Variants in GSE1 observed in about 807,000 individuals in gnomAD.
The protein encoded by GSE1 is genetic suppressor element 1.
In GSE1, 32 loss-of-function variants were observed where a neutral mutation model predicts 112.6. That is an observed-to-expected ratio of 0.28 (90% confidence interval 0.21 to 0.38). The LOEUF (loss-of-function observed/expected upper bound fraction) is 0.38. GSE1 is among the 10% of genes least tolerant of loss of function. The pLI, the probability that GSE1 is intolerant of heterozygous loss-of-function variation, is 1.00. For synonymous variants in GSE1, 1,115 were observed against 735.6 expected (o/e 1.52, Z -8.35); for missense variants, 2,348 against 1,699.2 (o/e 1.38, Z -6.71).
At chr16:85,407,274 T>C (rs867032252) in intron 2 of GSE1, among the ~76,000 whole-genome samples, 2 of 31,052 alleles carry the variant, frequency 6.4e-5, no homozygotes, top group Admixed American at 3.3e-4. Context: ...AGGGCCCCCC[T>C]GGATAATCCT....
chr16:85,533,002 G>A (rs2044185603), intron 2 of GSE1, among the ~76,000 whole-genome samples: 1 of 152,226 alleles, frequency 6.6e-6, no homozygotes, highest in South Asian at 2.1e-4. Context: ...CTCCTGTTCT[G>A]CCGGAGGTGT....
chr16:85,637,691 C>T (rs1598491566), intron 2 of GSE1, among the ~76,000 whole-genome samples: 1 of 151,792 alleles, frequency 6.6e-6, no homozygotes, highest in Non-Finnish European at 1.5e-5. Context: ...TTCCAATCCC[C>T]AGCTTGTGCC....
intron 1 of GSE1, among the ~76,000 whole-genome samples, chr16:85,264,862 G>A: frequency 6.6e-6 from 1 of 152,290 alleles, no homozygotes; most frequent in East Asian, 1.9e-4. Flanking sequence ...CGCATTTGGA[G>A]ATCAGACGCC....
intron 2 of GSE1, among the ~76,000 whole-genome samples, chr16:85,493,409 G>A (rs1455008114): frequency 1.3e-5 from 2 of 152,012 alleles, no homozygotes; most frequent in Non-Finnish European, 2.9e-5. Flanking sequence ...TCACACTGCT[G>A]TACTCCAGCA....
intron 2 of GSE1, among the ~76,000 whole-genome samples, chr16:85,441,259 C>A (rs1048051978): frequency 6.6e-6 from 1 of 152,192 alleles, no homozygotes; most frequent in Admixed American, 6.5e-5. Context: ...GTAGCACCCC[C>A]CAATTGTCAA....
At chr16:85,634,962 G>A (rs2049865610) in intron 2 of GSE1, among the ~76,000 whole-genome samples, 1 of 152,004 alleles carries the variant, frequency 6.6e-6, no homozygotes, top group African/African-American at 2.4e-5. Context: ...CGGGGGGGCT[G>A]AGGAAACCGG....
chr16:85,293,078 G>A (rs965323167), intron 1 of GSE1, among the ~76,000 whole-genome samples: 1 of 152,048 alleles, frequency 6.6e-6, no homozygotes, highest in African/African-American at 2.4e-5. Context: ...CCCTCTCTCC[G>A]CAGTGTTCCA....
chr16:85,572,418 CCACA>C (rs914830673), intron 1 of GSE1, among the ~76,000 whole-genome samples: 10 of 147,948 alleles, frequency 6.8e-5, no homozygotes, highest in Admixed American at 2.0e-4. Flanking sequence ...ACACTACACA[CCACA>C]CACACACAGC....
intron 2 of GSE1, among the ~76,000 whole-genome samples, chr16:85,503,399 C>G (rs8056492): frequency 0.34 from 52,324 of 152,008 alleles, 10,605 homozygotes; most frequent in African/African-American, 0.55. Context: ...CCTCCTCCTC[C>G]TCCTCACAAA....
At chr16:85,519,767 C>T (rs1277208331) in intron 2 of GSE1, among the ~76,000 whole-genome samples, 1 of 151,732 alleles carries the variant, frequency 6.6e-6, no homozygotes, top group Non-Finnish European at 1.5e-5. Context: ...ACCACCATAT[C>T]ACCACCGTTG....
rs1216636534 is a variant in GSE1 at position 85,666,187 on chromosome 16, C to T, written c.2970C>T (p.His990=). 1 of 1,613,508 alleles carries T rather than the reference C, an allele frequency of 6.2e-7. No individual in the cohort carries two copies. The highest frequency in any genetic ancestry group is 8.5e-7 in the Non-Finnish European group (1 of 1,180,048). ...GCAAAAAGAGTCTGAGCATGCTTCA[C>T]TATATCCGGGGCGCTGCACCCAAGG... ...PGGKKSLSML[H]YIRGAAPKDI... is the part of the protein sequence containing the mutation. The change falls in exon 13 of 16, where the codon CAC becomes CAT. Residue 990 remains histidine, a synonymous_variant. Transcript: ENST00000253458.
chr16:85,641,165 T>G (rs1307559040), intron 2 of GSE1, among the ~76,000 whole-genome samples: 1 of 152,272 alleles, frequency 6.6e-6, no homozygotes, highest in Non-Finnish European at 1.5e-5. Flanking sequence ...CTGCAGCCCC[T>G]GTGCCCGTTT....
At chr16:85,208,663 C>CTTG (rs1194868590) in intron 1 of GSE1, among the ~76,000 whole-genome samples, 1 of 150,206 alleles carries the variant, frequency 6.7e-6, no homozygotes, top group Non-Finnish European at 1.5e-5. Flanking sequence ...CATACTCTCC[C>CTTG]TTGTTTTTTT....
intron 1 of GSE1, among the ~76,000 whole-genome samples, chr16:85,563,344 A>G (rs893792186): frequency 6.6e-6 from 1 of 152,150 alleles, no homozygotes; most frequent in Non-Finnish European, 1.5e-5. Context: ...AAAAGGAAAA[A>G]AAATCAGTGA....
intron 1 of GSE1, among the ~76,000 whole-genome samples, chr16:85,309,874 C>T (rs1216886730): frequency 9.8e-5 from 15 of 152,380 alleles, no homozygotes; most frequent in Admixed American, 6.5e-4. Flanking sequence ...TTACAGCTGG[C>T]GAAGTGGCGG....
Position 85,661,437 on chromosome 16 carries a change from C to G in GSE1, c.1932C>G (p.Ala644=). Reference sequence around the variant, plus strand: ...AGGGGCCACGGAAGCGTGAGCCTGCCCCTCTGGACAAGTACCAGCCACCTC... The same window carrying G: ...AGGGGCCACGGAAGCGTGAGCCTGCGCCTCTGGACAAGTACCAGCCACCTC... ...AEEGPRKREP[A]PLDKYQPPPP... Residue 644 remains alanine (A), a synonymous_variant, in exon 9 of 16, where the codon GCC becomes GCG. Coordinates refer to ENST00000253458, the MANE Select transcript of GSE1 (RefSeq NM_014615.5). 2 of 1,611,876 alleles carry G rather than the reference C, an allele frequency of 1.2e-6. No individual in the cohort carries two copies. The highest frequency in any genetic ancestry group is 4.5e-5 in the East Asian group (2 of 44,874).
At chr16:85,358,669 C>A (rs1300827382) in intron 2 of GSE1, among the ~76,000 whole-genome samples, 1 of 152,194 alleles carries the variant, frequency 6.6e-6, no homozygotes, top group Admixed American at 6.5e-5. Flanking sequence ...ACCTCTTTCT[C>A]TTTGTGTGGT....
At chr16:85,493,738 C>T (rs1350526595) in intron 2 of GSE1, among the ~76,000 whole-genome samples, 4 of 141,250 alleles carry the variant, frequency 2.8e-5, no homozygotes, top group Admixed American at 7.6e-5. Context: ...TGTGGTAAGC[C>T]GAGATCATGC....
chr16:85,615,215 G>GT lies in GSE1; in HGVS notation c.7+1818dup, dbSNP rs575453027. On this transcript the variant is annotated intron_variant, in intron 1 of 15. Coordinates refer to ENST00000253458, the MANE Select transcript of GSE1 (RefSeq NM_014615.5). ...GCCTGACTCAGCCGCCACGCCACAGGTGAGGGGCCCAGGGCGCAGGCTCCG... is the reference window on the plus strand; with the variant it reads ...GCCTGACTCAGCCGCCACGCCACAGGTTGAGGGGCCCAGGGCGCAGGCTCCG... Among the ~76,000 whole-genome samples, 3 of 152,362 alleles carry GT rather than the reference G, an allele frequency of 2.0e-5. No individual in the cohort carries two copies. In the South Asian group the frequency reaches 6.2e-4, roughly 32 times the overall value.
Sources: gnomAD v4.1 joint callset for allele counts (sites outside exome capture counted in the v4.1 genomes callset) on GRCh38, gnomAD v4.1.1 for gene constraint, MANE v1.5 for transcripts, NCBI Gene and HGNC (gene_info 2026-07-23, HGNC 2026-07-21) for gene names.